ZNF385B: variants seen among roughly 807,000 people sequenced by gnomAD.
ZNF385B encodes the protein zinc finger protein 385B.
A neutral mutation model predicts 39.2 loss-of-function variants in ZNF385B; 23 were observed. The observed-to-expected ratio is 0.59, with a 90% CI of 0.42 to 0.83. The LOEUF (loss-of-function observed/expected upper bound fraction) is 0.83, where lower values mean the gene tolerates loss of function less well. ZNF385B is among the 40% of genes least tolerant of loss of function. The pLI is 0.00. For missense variants in ZNF385B, 552 were observed against 598.9 expected (o/e 0.92, Z 0.82); for synonymous variants, 205 against 222.6 (o/e 0.92, Z 0.70).
At chr2:179,654,343 A>T (rs1468733890) in intron 3 of ZNF385B, among the ~76,000 whole-genome samples, 1 of 152,176 alleles carries the variant, frequency 6.6e-6, no homozygotes, top group Non-Finnish European at 1.5e-5. Flanking sequence ...AGGAGTCTTG[A>T]GAAGCCAGGA....
At chr2:179,699,345 A>T (rs1055472657) in intron 3 of ZNF385B, among the ~76,000 whole-genome samples, 4 of 152,110 alleles carry the variant, frequency 2.6e-5, no homozygotes, top group Non-Finnish European at 5.9e-5. Context: ...CATAAGCTGG[A>T]ATAACACTCA....
At chr2:179,636,091 A>AT (rs1271745875) in intron 3 of ZNF385B, among the ~76,000 whole-genome samples, 2 of 152,226 alleles carry the variant, frequency 1.3e-5, no homozygotes, top group African/African-American at 2.4e-5. Flanking sequence ...GAGAACTTAC[A>AT]TTTTTATTAG....
At chr2:179,808,504 G>A (rs1318443906) in intron 1 of ZNF385B, among the ~76,000 whole-genome samples, 1 of 152,146 alleles carries the variant, frequency 6.6e-6, no homozygotes. Flanking sequence ...AAATAACTAA[G>A]GCAAATATGT....
intron 3 of ZNF385B, among the ~76,000 whole-genome samples, chr2:179,633,465 C>T (rs1691434945): frequency 6.6e-6 from 1 of 152,148 alleles, no homozygotes; most frequent in East Asian, 1.9e-4. Flanking sequence ...CTGATTATCT[C>T]AATAGATACA....
chr2:179,730,717 T>C (rs904227982), intron 3 of ZNF385B, among the ~76,000 whole-genome samples: 4 of 152,204 alleles, frequency 2.6e-5, no homozygotes, highest in African/African-American at 7.2e-5. Context: ...TGAATGATCA[T>C]GTGAATGAAT....
chr2:179,489,302 C>G (rs1184437344), intron 5 of ZNF385B, among the ~76,000 whole-genome samples: 1 of 152,196 alleles, frequency 6.6e-6, no homozygotes, highest in Admixed American at 6.5e-5. Flanking sequence ...AAGGTTGCTA[C>G]GTTGTGCTAC....
chr2:179,860,612 C>T (rs1247131625), intron 1 of ZNF385B, among the ~76,000 whole-genome samples: 1 of 152,146 alleles, frequency 6.6e-6, no homozygotes, highest in East Asian at 1.9e-4. Context: ...CTGGGTTCTG[C>T]TGCAGAACTC....
intron 3 of ZNF385B, among the ~76,000 whole-genome samples, chr2:179,618,136 TATACTC>T (rs933280249): frequency 4.6e-5 from 7 of 152,202 alleles, no homozygotes; most frequent in African/African-American, 7.2e-5. Context: ...TGATCACTCT[TATACTC>T]ATTAAATTCC....
chr2:179,791,882 T>C (rs1705348060), intron 1 of ZNF385B, among the ~76,000 whole-genome samples: 1 of 152,078 alleles, frequency 6.6e-6, no homozygotes, highest in South Asian at 2.1e-4. Context: ...TTAGCCTCCC[T>C]AGCAGCTGAG....
At chr2:179,508,986 G>A (rs1574513476) in intron 5 of ZNF385B, among the ~76,000 whole-genome samples, 2 of 146,246 alleles carry the variant, frequency 1.4e-5, no homozygotes, top group African/African-American at 5.1e-5. Context: ...TCGCTCTGTC[G>A]CTCAGGCTGG....
rs187390241 is a variant in ZNF385B, at chr2:179,784,492, A to G, written c.-154-13820T>C. On this transcript the variant is annotated intron_variant, in intron 1 of 9. Coordinates refer to ENST00000410066, the MANE Select transcript of ZNF385B (RefSeq NM_152520.6). ...ATACAAACTAAAAAAAGAAAAAAAA[A>G]CTGTTGCTTCATCTGAATACACCAT... Among the ~76,000 whole-genome samples the G allele has an allele frequency of 9.1e-4, 139 of 152,186 alleles. 1 individual carries two copies. Among genetic ancestry groups the G allele is most frequent in the African/African-American group, 3.1e-3 (130 of 41,546 alleles).
intron 4 of ZNF385B, among the ~76,000 whole-genome samples, chr2:179,533,776 TTTGA>T (rs2059402245): frequency 6.6e-6 from 1 of 152,200 alleles, no homozygotes; most frequent in Non-Finnish European, 1.5e-5. Flanking sequence ...CTAGTTGCAA[TTTGA>T]TTAATGAATA....
intron 3 of ZNF385B, among the ~76,000 whole-genome samples, chr2:179,609,811 CTGA>C (rs535445788): frequency 6.4e-4 from 98 of 152,298 alleles, no homozygotes; most frequent in African/African-American, 2.2e-3. Context: ...TTGCAGTTCT[CTGA>C]TGATCAATGA....
At chr2:179,605,429 G>C (rs916049588) in intron 3 of ZNF385B, among the ~76,000 whole-genome samples, 2 of 152,016 alleles carry the variant, frequency 1.3e-5, no homozygotes, top group African/African-American at 4.8e-5. Flanking sequence ...TTGTTAATAA[G>C]TATTTTTTTA....
At chr2:179,705,665 G>C (rs1699537411) in intron 3 of ZNF385B, among the ~76,000 whole-genome samples, 1 of 152,164 alleles carries the variant, frequency 6.6e-6, no homozygotes, top group Non-Finnish European at 1.5e-5. Flanking sequence ...TTTGACCTCA[G>C]TAAGAGAAAT....
At chr2:179,802,860 CA>C (rs1288063928) in intron 1 of ZNF385B, among the ~76,000 whole-genome samples, 4 of 151,980 alleles carry the variant, frequency 2.6e-5, no homozygotes, top group African/African-American at 9.7e-5. Flanking sequence ...TACTGCTACC[CA>C]AAAGGTTTGG....
At chr2:179,489,062 G>A (rs1224237387) in intron 5 of ZNF385B, among the ~76,000 whole-genome samples, 1 of 152,152 alleles carries the variant, frequency 6.6e-6, no homozygotes, top group African/African-American at 2.4e-5. Context: ...CAGGAGAGAG[G>A]TAAATCTCTT....
At chr2:179,526,925 C>T (rs1170457906) in intron 4 of ZNF385B, among the ~76,000 whole-genome samples, 1 of 152,178 alleles carries the variant, frequency 6.6e-6, no homozygotes, top group East Asian at 1.9e-4. Flanking sequence ...TTAACTGGTC[C>T]CCTCTTTCAC....
At chr2:179,616,606 C>T (rs1384410732) in intron 3 of ZNF385B, among the ~76,000 whole-genome samples, 2 of 152,160 alleles carry the variant, frequency 1.3e-5, no homozygotes, top group African/African-American at 4.8e-5. Context: ...GTCACCCAGG[C>T]TGGAGTGCAG....
Sources: gnomAD v4.1 joint callset for allele counts (sites outside exome capture counted in the v4.1 genomes callset) on GRCh38, gnomAD v4.1.1 for gene constraint, MANE v1.5 for transcripts, NCBI Gene and HGNC (gene_info 2026-07-23, HGNC 2026-07-21) for gene names.